Variants in AAK1 observed in about 807,000 individuals in gnomAD.
AAK1 encodes AP2-associated protein kinase 1.
Under a neutral mutation model 116.0 loss-of-function variants are expected in AAK1, and 37 were observed. That is an observed-to-expected ratio of 0.32 (90% CI 0.25 to 0.42). The LOEUF is 0.42. AAK1 is among the 10% of genes least tolerant of loss of function. The probability of loss-of-function intolerance (pLI) is 1.00; values close to 1 mark genes in which losing one functional copy is unlikely to be tolerated. For synonymous variants in AAK1, 458 were observed against 439.9 expected, an observed-to-expected ratio of 1.04 and a Z score of -0.51; for missense variants, 919 against 1,170.6, an observed-to-expected ratio of 0.79 and a Z score of 3.14.
intron 3 of AAK1, among the ~76,000 whole-genome samples, chr2:69,553,176 G>A (rs146742645): frequency 3.4e-4 from 51 of 152,138 alleles, no homozygotes; most frequent in African/African-American, 1.2e-3. Context: ...ATAAATAAAT[G>A]CATACACAAA....
At position 69,643,662 on chromosome 2, in the gene AAK1, G is replaced by T. The variant is rs1367071840; in HGVS notation, c.-322C>A. On this transcript the variant is annotated 5_prime_UTR_variant, in exon 1 of 22. Coordinates refer to ENST00000409085, the MANE Select transcript of AAK1 (RefSeq NM_014911.5). ...CCGGCCTGCGACGCAGAGAAGAGGC[G>T]GCGCTGCAGCGAGAGCCGGGGCCGC... The T allele has an allele frequency of 8.2e-7, 1 of 1,226,118 alleles. No individual in the cohort carries two copies. The highest frequency in any genetic ancestry group is 1.0e-6 in the Non-Finnish European group (1 of 984,372). The allele number at this position is 1,226,118 out of a possible 1,614,324, so 76.0% of individuals were successfully genotyped here.
intron 17 of AAK1, among the ~76,000 whole-genome samples, chr2:69,484,090 G>C (rs1306300957): frequency 6.6e-6 from 1 of 152,100 alleles, no homozygotes; most frequent in South Asian, 2.1e-4. Flanking sequence ...TGTCAACAAC[G>C]TTCTTTTAAA....
intron 17 of AAK1, among the ~76,000 whole-genome samples, chr2:69,490,988 A>T (rs1038826566): frequency 6.6e-6 from 1 of 151,736 alleles, no homozygotes; most frequent in Admixed American, 6.6e-5. Flanking sequence ...CCCAGGCTAG[A>T]GTGTAGTAGT....
At chr2:69,577,297 T>A (rs145417873) in intron 2 of AAK1, among the ~76,000 whole-genome samples, 4 of 152,272 alleles carry the variant, frequency 2.6e-5, no homozygotes, top group African/African-American at 9.6e-5. Context: ...AAGTTACCCA[T>A]CACTCATCAG....
At chr2:69,617,054 T>A (rs1674359594) in intron 2 of AAK1, among the ~76,000 whole-genome samples, 1 of 152,122 alleles carries the variant, frequency 6.6e-6, no homozygotes. Flanking sequence ...GATAGAAGGA[T>A]GTCCTTAAGG....
intron 2 of AAK1, among the ~76,000 whole-genome samples, chr2:69,638,385 A>G (rs1207379265): frequency 6.6e-6 from 1 of 151,702 alleles, no homozygotes; most frequent in African/African-American, 2.4e-5. Context: ...ACCTTCTGGG[A>G]CCACTCTTTC....
intron 16 of AAK1, among the ~76,000 whole-genome samples, 193 bp from the exon 17 acceptor site, chr2:69,496,273 G>A (rs1335670915): frequency 2.9e-5 from 4 of 136,644 alleles, no homozygotes; most frequent in Non-Finnish European, 6.3e-5. Context: ...AATCTGGCCC[G>A]TTTTTTTTTT....
chr2:69,560,469 A>G (rs1671586682), intron 2 of AAK1, among the ~76,000 whole-genome samples: 1 of 152,272 alleles, frequency 6.6e-6, no homozygotes, highest in Admixed American at 6.5e-5. Context: ...CTTAACATTC[A>G]GTAGCCTGTG....
In AAK1 at chr2:69,471,619, G is replaced by A. The variant is rs1558887621; in HGVS notation, c.*4250C>T. The A allele has an allele frequency of 1.0e-6, 1 of 985,260 alleles. No individual in the cohort carries two copies. The highest frequency in any genetic ancestry group is 1.7e-5 in the African/African-American group (1 of 57,234). The allele number at this position is 985,260 out of a possible 1,614,324, so 61.0% of individuals were successfully genotyped here. A position where few individuals can be genotyped will look rare whatever the true frequency, so the allele number is the denominator to read the frequency against. On this transcript the variant is annotated 3_prime_UTR_variant, in exon 22 of 22. Coordinates refer to ENST00000409085, the MANE Select transcript of AAK1 (RefSeq NM_014911.5). Reference sequence around the variant, plus strand: ...CAAAGCTCAAAGTTAGTGGCTATGGGAGCCTGATAATCTTGCAGACAGAGA... The same window carrying A: ...CAAAGCTCAAAGTTAGTGGCTATGGAAGCCTGATAATCTTGCAGACAGAGA...
intron 16 of AAK1, among the ~76,000 whole-genome samples, chr2:69,503,836 A>G (rs908369894): frequency 2.0e-5 from 3 of 152,084 alleles, no homozygotes; most frequent in Non-Finnish European, 4.4e-5. Context: ...TTTAAAAATT[A>G]TACTTTAACA....
chr2:69,530,410 A>G (rs1342607773), intron 7 of AAK1, among the ~76,000 whole-genome samples: 1 of 152,212 alleles, frequency 6.6e-6, no homozygotes, highest in African/African-American at 2.4e-5. Flanking sequence ...ATGAAAAAAA[A>G]TCTAAATAAT....
intron 3 of AAK1, among the ~76,000 whole-genome samples, chr2:69,545,803 GT>G (rs1670899609): frequency 6.6e-6 from 1 of 152,300 alleles, no homozygotes; most frequent in African/African-American, 2.4e-5. Flanking sequence ...CGTGAGAGTA[GT>G]TTCACAGAAC....
chr2:69,470,078 C>T lies in AAK1; in HGVS notation c.*5791G>A, dbSNP rs1674624917. ...ACATAGTGAGGGCCATCAGAATGCTCCCTACAGAATTAAAATCTGAAGACT... is the reference window on the plus strand; with the variant it reads ...ACATAGTGAGGGCCATCAGAATGCTTCCTACAGAATTAAAATCTGAAGACT... On this transcript the variant is annotated 3_prime_UTR_variant, in exon 22 of 22. Coordinates refer to ENST00000409085, the MANE Select transcript of AAK1 (RefSeq NM_014911.5). 2.0e-6 allele frequency: 2 copies of T among 985,368 alleles called. No individual in the cohort carries two copies. The highest frequency in any genetic ancestry group is 3.5e-5 in the African/African-American group (2 of 57,332). 61.0% of individuals were successfully genotyped at this position (985,368 alleles called of 1,614,324 possible). A position where few individuals can be genotyped will look rare whatever the true frequency, so the allele number is the denominator to read the frequency against.
chr2:69,579,005 T>C (rs535216222), intron 2 of AAK1, among the ~76,000 whole-genome samples: 1 of 152,170 alleles, frequency 6.6e-6, no homozygotes, highest in African/African-American at 2.4e-5. Context: ...GGGGCTTCAC[T>C]GTGTTAGCCA....
At position 69,466,625 on chromosome 2, in the gene AAK1, G is replaced by A. The variant is rs759126891; in HGVS notation, c.*9244C>T. On this transcript the variant is annotated 3_prime_UTR_variant, in exon 22 of 22. Coordinates refer to ENST00000409085, the MANE Select transcript of AAK1 (RefSeq NM_014911.5). ...ATTTGGAACATTTAATGGTCAACCC[G>A]CGGCAAAAACATTGTGGGACCAAAT... 8.7e-5 allele frequency: 94 copies of A among 1,086,646 alleles called. No individual in the cohort carries two copies. Among genetic ancestry groups the A allele is most frequent in the South Asian group, 1.7e-4 (7 of 40,896 alleles). 67.3% of individuals were successfully genotyped at this position (1,086,646 alleles called of 1,614,324 possible). A position where few individuals can be genotyped will look rare whatever the true frequency, so the allele number is the denominator to read the frequency against.
At chr2:69,535,624 G>A (rs1670434647) in intron 5 of AAK1, among the ~76,000 whole-genome samples, 1 of 152,110 alleles carries the variant, frequency 6.6e-6, no homozygotes, top group Admixed American at 6.5e-5. Context: ...GGGGAACAGA[G>A]ACCTGGATGA....
At chr2:69,550,788 G>A (rs1222461883) in intron 3 of AAK1, among the ~76,000 whole-genome samples, 2 of 151,960 alleles carry the variant, frequency 1.3e-5, no homozygotes, top group South Asian at 4.2e-4. Context: ...GCTAATTTTT[G>A]TACTTTTAGT....
chr2:69,636,492 A>T (rs1187150978), intron 2 of AAK1, among the ~76,000 whole-genome samples: 3 of 152,218 alleles, frequency 2.0e-5, no homozygotes, highest in Non-Finnish European at 4.4e-5. Context: ...ATACATGAAG[A>T]TATGGCATGT....
intron 5 of AAK1, among the ~76,000 whole-genome samples, chr2:69,534,717 T>C (rs768365667): frequency 6.6e-6 from 1 of 152,260 alleles, no homozygotes; most frequent in Non-Finnish European, 1.5e-5. Context: ...TGCCCACTTG[T>C]TACTTACCCT....
Sources: gnomAD v4.1 joint callset for allele counts (sites outside exome capture counted in the v4.1 genomes callset) on GRCh38, gnomAD v4.1.1 for gene constraint, MANE v1.5 for transcripts, NCBI Gene and HGNC (gene_info 2026-07-23, HGNC 2026-07-21) for gene names.